Variants in ZDHHC24 observed in about 807,000 individuals in gnomAD.
ZDHHC24 encodes the protein zDHHC palmitoyltransferase 24, also known as probable palmitoyltransferase ZDHHC24.
Under a neutral mutation model 23.2 loss-of-function variants are expected in ZDHHC24, and 17 were observed. The observed-to-expected ratio is 0.73, with a 90% confidence interval of 0.50 to 1.10. The LOEUF (loss-of-function observed/expected upper bound fraction) is 1.10, where lower values mean the gene tolerates loss of function less well. Among genes scored for constraint, ZDHHC24 ranks in the 50% least tolerant of loss-of-function variants. The probability of loss-of-function intolerance (pLI) is 0.00; values close to 1 mark genes in which losing one functional copy is unlikely to be tolerated. For synonymous variants in ZDHHC24, 186 were observed against 194.5 expected, an observed-to-expected ratio of 0.96 and a Z score of 0.36; for missense variants, 366 against 393.0, an observed-to-expected ratio of 0.93 and a Z score of 0.58.
intron 2 of ZDHHC24, among the ~76,000 whole-genome samples, chr11:66,540,500 C>T (rs1040595444): frequency 2.7e-5 from 4 of 149,588 alleles, no homozygotes; most frequent in African/African-American, 4.9e-5. Context: ...GAGGCCGAGG[C>T]GGGTGGATCA....
At chr11:66,535,197 C>T (rs1485290240), downstream of ZDHHC24, among the ~76,000 whole-genome samples, 1 of 150,888 alleles carries the variant, frequency 6.6e-6, no homozygotes, top group Non-Finnish European at 1.5e-5. Context: ...CTGGCCTGGA[C>T]ACAACTTTTG....
At position 66,536,423 on chromosome 11, in the gene ZDHHC24, G is replaced by A. The variant is rs1856966919; in HGVS notation, c.*3106C>T. 2.0e-5 allele frequency: 3 copies of A among 153,364 alleles called. No individual in the cohort carries two copies. In the Admixed American group the frequency reaches 2.0e-4, roughly 10 times the overall value. 9.5% of individuals were successfully genotyped at this position (153,364 alleles called of 1,614,324 possible). A position where few individuals can be genotyped will look rare whatever the true frequency, so the allele number is the denominator to read the frequency against. On this transcript the variant is annotated 3_prime_UTR_variant, in exon 3 of 3. Coordinates refer to ENST00000310442, the MANE Select transcript of ZDHHC24 (RefSeq NM_207340.3). ...GTACAAAATTTAGCAGGGCATGATG[G>A]TGGGTGCCTGCAATCCCAGTTACTT...
In ZDHHC24 at chr11:66,539,302, T is replaced by C; in HGVS notation, c.*227A>G. 1 of 1,254,218 alleles carries C rather than the reference T, an allele frequency of 8.0e-7. No individual in the cohort carries two copies. Among genetic ancestry groups the C allele is most frequent in the Non-Finnish European group, 1.0e-6 (1 of 1,001,860 alleles). The allele number at this position is 1,254,218 out of a possible 1,614,324, so 77.7% of individuals were successfully genotyped here. On this transcript the variant is annotated 3_prime_UTR_variant, in exon 3 of 3. Coordinates refer to ENST00000310442, the MANE Select transcript of ZDHHC24 (RefSeq NM_207340.3). Reference sequence around the variant, plus strand: ...TTTATTAACCTGGCAAAGGGGCAGCTAGGCGGCCTGAGCAGCCCCTGCCAG... The same window carrying C: ...TTTATTAACCTGGCAAAGGGGCAGCCAGGCGGCCTGAGCAGCCCCTGCCAG...
rs1192951100 is a variant in ZDHHC24, at chr11:66,537,699, C to T, written c.*1830G>A. The T allele has an allele frequency of 5.5e-5, 8 of 145,150 alleles. No homozygotes were observed. Among genetic ancestry groups the T allele is most frequent in the Non-Finnish European group, 9.5e-5 (6 of 63,232 alleles). 9.0% of individuals were successfully genotyped at this position (145,150 alleles called of 1,614,324 possible). A position where few individuals can be genotyped will look rare whatever the true frequency, so the allele number is the denominator to read the frequency against. On this transcript the variant is annotated 3_prime_UTR_variant, in exon 3 of 3. Coordinates refer to ENST00000310442, the MANE Select transcript of ZDHHC24 (RefSeq NM_207340.3). ...ATCCCAGCACTTTGGGAGGCCGAGG[C>T]AGGTGGATCACAAGGTCAGGAGATC...
downstream of ZDHHC24, among the ~76,000 whole-genome samples, chr11:66,534,169 G>GC (rs1856886418): frequency 6.6e-6 from 1 of 151,152 alleles, no homozygotes; most frequent in African/African-American, 2.4e-5. Context: ...AACTGGCTGG[G>GC]CGTGGTAGCT....
chr11:66,530,362 C>G (rs949306399), intron 2 of ZDHHC24, among the ~76,000 whole-genome samples: 1 of 151,684 alleles, frequency 6.6e-6, no homozygotes, highest in Non-Finnish European at 1.5e-5. Context: ...CGGCCTCACC[C>G]GCAAGCACCG....
At chr11:66,530,462 C>T (rs1856728152) in intron 2 of ZDHHC24, among the ~76,000 whole-genome samples, 1 of 152,108 alleles carries the variant, frequency 6.6e-6, no homozygotes, top group African/African-American at 2.4e-5. Context: ...CTAAATGCGT[C>T]CCTGAGGTGT....
chr11:66,539,307 G>A lies in ZDHHC24; in HGVS notation c.*222C>T, dbSNP rs1224661408. 1.4e-5 allele frequency: 17 copies of A among 1,256,816 alleles called. 1 individual carries two copies. The East Asian group carries it at 1.6e-4, about 12-fold the overall frequency. The allele number at this position is 1,256,816 out of a possible 1,614,324, so 77.9% of individuals were successfully genotyped here. A position where few individuals can be genotyped will look rare whatever the true frequency, so the allele number is the denominator to read the frequency against. ...TAACCTGGCAAAGGGGCAGCTAGGCGGCCTGAGCAGCCCCTGCCAGACCCT... is the reference window on the plus strand; with the variant it reads ...TAACCTGGCAAAGGGGCAGCTAGGCAGCCTGAGCAGCCCCTGCCAGACCCT... On this transcript the variant is annotated 3_prime_UTR_variant, in exon 3 of 3. Transcript: ENST00000310442.
At chr11:66,520,934 G>C, downstream of ZDHHC24, 1 of 373,086 alleles carries the variant, frequency 2.7e-6, no homozygotes, top group Non-Finnish European at 5.2e-6. Context: ...GGACAGGCTG[G>C]TCTTGAACTC....
chr11:66,539,856 G>T lies in ZDHHC24; in HGVS notation c.560-32C>A, dbSNP rs753424220. 3.3e-6 allele frequency: 5 copies of T among 1,525,424 alleles called. No individual in the cohort carries two copies. The Admixed American group carries it at 8.2e-5, about 25-fold the overall frequency. The allele number at this position is 1,525,424 out of a possible 1,614,324, so 94.5% of individuals were successfully genotyped here. ...TAAAAGAGCAGAGAGGGTCAGGGAG[G>T]GGCAGTGGGGTCCGGCTTTCCTGCC... On this transcript the variant is annotated intron_variant, in intron 2 of 2. Coordinates refer to ENST00000310442, the MANE Select transcript of ZDHHC24 (RefSeq NM_207340.3).
intron 2 of ZDHHC24, chr11:66,529,516 G>T: frequency 5.6e-6 from 4 of 718,886 alleles, no homozygotes; most frequent in Non-Finnish European, 1.0e-5. Context: ...AGGATGAGAA[G>T]AGGACCATGG....
At chr11:66,543,551 C>A (rs897385104) in intron 2 of ZDHHC24, among the ~76,000 whole-genome samples, 153 bp downstream of exon 2, 2 of 152,206 alleles carry the variant, frequency 1.3e-5, no homozygotes, top group African/African-American at 4.8e-5. Context: ...TACTGCACCC[C>A]CGGGTGAATA....
chr11:66,521,491 T>C (rs1419868775), intron 4 of ZDHHC24: 2 of 831,200 alleles, frequency 2.4e-6, no homozygotes, highest in South Asian at 1.4e-5. Flanking sequence ...TGCAAAGAGC[T>C]GAGAACTTCA....
Position 66,539,376 on chromosome 11 carries a change from C to A in ZDHHC24, c.*153G>T. 4.4e-6 allele frequency: 6 copies of A among 1,368,016 alleles called. No individual in the cohort carries two copies. The highest frequency in any genetic ancestry group is 5.6e-6 in the Non-Finnish European group (6 of 1,064,018). The allele number at this position is 1,368,016 out of a possible 1,614,324, so 84.7% of individuals were successfully genotyped here. A position where few individuals can be genotyped will look rare whatever the true frequency, so the allele number is the denominator to read the frequency against. ...TAAGTCACGGCCCAAGCCCTGGACACGTAGGAGTGTAGGCGGGCAGGGGCA... is the reference window on the plus strand; with the variant it reads ...TAAGTCACGGCCCAAGCCCTGGACAAGTAGGAGTGTAGGCGGGCAGGGGCA... On this transcript the variant is annotated 3_prime_UTR_variant, in exon 3 of 3. Transcript: ENST00000310442.
intron 2 of ZDHHC24, among the ~76,000 whole-genome samples, chr11:66,540,961 G>C (rs866317766): frequency 2.6e-5 from 4 of 152,032 alleles, no homozygotes; most frequent in Admixed American, 6.5e-5. Flanking sequence ...TGGTTGCCAG[G>C]GGCTAAGGGG....
intron 3 of ZDHHC24, chr11:66,527,207 C>CAAA (rs201003949): frequency 6.3e-5 from 28 of 447,794 alleles, no homozygotes; most frequent in South Asian, 8.9e-5. Context: ...ACTTCTTTCT[C>CAAA]AAAAAAAAAA....
chr11:66,538,096 C>T lies in ZDHHC24; in HGVS notation c.*1433G>A, dbSNP rs967456669. On this transcript the variant is annotated 3_prime_UTR_variant, in exon 3 of 3. Transcript: ENST00000310442. Reference sequence around the variant, plus strand: ...TGAAACCCTGTCTATACTAAAAATACAAAAAAATTAGCTGGGCATGGCCAG... The same window carrying T: ...TGAAACCCTGTCTATACTAAAAATATAAAAAAATTAGCTGGGCATGGCCAG... 5.9e-5 allele frequency: 9 copies of T among 151,340 alleles called. No individual in the cohort carries two copies. Among genetic ancestry groups the T allele is most frequent in the Non-Finnish European group, 1.2e-4 (8 of 67,832 alleles). 9.4% of individuals were successfully genotyped at this position (151,340 alleles called of 1,614,324 possible).
At chr11:66,532,131 T>C, downstream of ZDHHC24, 1 of 1,334,202 alleles carries the variant, frequency 7.5e-7, no homozygotes, top group Non-Finnish European at 1.0e-6. Context: ...AGCAGTGTGC[T>C]GGGGCGACAG....
In ZDHHC24 at chr11:66,535,971, A is replaced by T. The variant is rs1050937457; in HGVS notation, c.*3558T>A. On this transcript the variant is annotated 3_prime_UTR_variant, in exon 3 of 3. Transcript: ENST00000310442. Reference sequence around the variant, plus strand: ...AAAGGAATGCCATACAGCTACACACAATAATCCGGATACATCTCAGGAACA... The same window carrying T: ...AAAGGAATGCCATACAGCTACACACTATAATCCGGATACATCTCAGGAACA... The T allele has an allele frequency of 1.3e-5, 2 of 152,238 alleles. No homozygotes were observed. The highest frequency in any genetic ancestry group is 6.5e-5 in the Admixed American group (1 of 15,284). The allele number at this position is 152,238 out of a possible 1,614,324, so 9.4% of individuals were successfully genotyped here. A position where few individuals can be genotyped will look rare whatever the true frequency, so the allele number is the denominator to read the frequency against.
Sources: gnomAD v4.1 joint callset for allele counts (sites outside exome capture counted in the v4.1 genomes callset) on GRCh38, gnomAD v4.1.1 for gene constraint, MANE v1.5 for transcripts, NCBI Gene and HGNC (gene_info 2026-07-23, HGNC 2026-07-21) for gene names.